Variants in SV2C observed in about 807,000 individuals in gnomAD.
The protein encoded by SV2C is solute carrier family 22 member B3.
SV2C carries 49 observed loss-of-function variants against 79.7 expected under a neutral mutation model. The ratio of observed to expected loss-of-function variants is 0.61; its 90% CI spans 0.49 to 0.78. The LOEUF (loss-of-function observed/expected upper bound fraction) is 0.78, where lower values mean the gene tolerates loss of function less well. SV2C is among the 30% of genes least tolerant of loss of function. SV2C has a pLI of 0.00. For missense variants in SV2C, 833 were observed against 912.9 expected, an observed-to-expected ratio of 0.91 and a Z score of 1.13; for synonymous variants, 334 against 333.2, an observed-to-expected ratio of 1.00 and a Z score of -0.03.
chr5:76,062,386 T>C, the SV2C span, among the ~76,000 whole-genome samples: 6 of 152,048 alleles, frequency 3.9e-5, no homozygotes, highest in South Asian at 2.1e-4. Context: ...ACAGACAATG[T>C]TCCTCCCTCC....
chr5:75,947,805 C>T, the SV2C span, among the ~76,000 whole-genome samples: 19 of 152,074 alleles, frequency 1.2e-4, no homozygotes, highest in East Asian at 9.7e-4. Context: ...TAATCACCCT[C>T]GGCATTATTG....
the SV2C span, among the ~76,000 whole-genome samples, chr5:75,853,031 C>T: frequency 3.9e-5 from 6 of 152,044 alleles, no homozygotes; most frequent in Middle Eastern, 3.4e-3. Context: ...AGCATAAATA[C>T]ATAATAAATA....
At chr5:76,055,424 G>A in the SV2C span, among the ~76,000 whole-genome samples, 1 of 152,132 alleles carries the variant, frequency 6.6e-6, no homozygotes, top group African/African-American at 2.4e-5. Flanking sequence ...TTTAGTGTCA[G>A]GTAGCATGAT....
intron 10 of SV2C, among the ~76,000 whole-genome samples, chr5:76,299,523 G>T (rs970545463): frequency 6.6e-6 from 1 of 152,198 alleles, no homozygotes; most frequent in Non-Finnish European, 1.5e-5. Context: ...ACAGATGTTT[G>T]AACCCAGATT....
chr5:76,108,203 T>G (rs1747986428), intron 1 of SV2C, among the ~76,000 whole-genome samples: 1 of 152,186 alleles, frequency 6.6e-6, no homozygotes, highest in Non-Finnish European at 1.5e-5. Context: ...ACTTAAGGAT[T>G]TTTTTGGAGT....
chr5:75,961,151 A>G, the SV2C span, among the ~76,000 whole-genome samples: 1 of 152,068 alleles, frequency 6.6e-6, no homozygotes, highest in Non-Finnish European at 1.5e-5. Context: ...CATAAAAACA[A>G]AATGATAAAT....
chr5:76,243,931 T>C (rs1745871125), intron 4 of SV2C, among the ~76,000 whole-genome samples: 1 of 152,214 alleles, frequency 6.6e-6, no homozygotes, highest in African/African-American at 2.4e-5. Context: ...TTTGCACATG[T>C]AGTCCCCTCT....
At chr5:76,237,969 AACAC>A (rs200837649) in intron 4 of SV2C, among the ~76,000 whole-genome samples, 20 of 137,012 alleles carry the variant, frequency 1.5e-4, no homozygotes, top group Middle Eastern at 3.6e-3. Context: ...CCAGAGGACT[AACAC>A]ACACACACAC....
At chr5:76,334,283 G>C (rs571941238), downstream of SV2C, among the ~76,000 whole-genome samples, 10 of 152,270 alleles carry the variant, frequency 6.6e-5, no homozygotes, top group South Asian at 1.9e-3. Flanking sequence ...TAGCTGCTTG[G>C]AACAGTGGTT....
chr5:76,289,856 A>G (rs1289572758), intron 6 of SV2C, among the ~76,000 whole-genome samples: 1 of 152,194 alleles, frequency 6.6e-6, no homozygotes, highest in Non-Finnish European at 1.5e-5. Context: ...TCTCACTTCC[A>G]GGTTAAGTAG....
chr5:76,243,940 CTGTTTGAAAT>C (rs1745871507), intron 4 of SV2C, among the ~76,000 whole-genome samples: 3 of 152,214 alleles, frequency 2.0e-5, no homozygotes, highest in Admixed American at 2.0e-4. Flanking sequence ...GTAGTCCCCT[CTGTTTGAAAT>C]GTTCTCTCAA....
chr5:76,288,134 G>A (rs1031154136), intron 6 of SV2C, among the ~76,000 whole-genome samples: 1 of 151,728 alleles, frequency 6.6e-6, no homozygotes, highest in African/African-American at 2.4e-5. Flanking sequence ...ACAGTAGGTT[G>A]GAGGGACATA....
rs1748843478 is a variant in SV2C at position 76,130,279 on chromosome 5, A to G, written c.-101-1371A>G. On this transcript the variant is annotated intron_variant, in intron 1 of 12. Coordinates refer to ENST00000502798, the MANE Select transcript of SV2C (RefSeq NM_014979.4). Reference sequence around the variant, plus strand: ...TTTAATTTCATTTTATCATTTTCCAAAACGCAGCCTGTGAGAACCATACTC... The same window carrying G: ...TTTAATTTCATTTTATCATTTTCCAGAACGCAGCCTGTGAGAACCATACTC... 3.3e-5 allele frequency among the ~76,000 whole-genome samples: 5 copies of G among 152,182 alleles called. No individual in the cohort carries two copies. The South Asian group carries it at 1.0e-3, about 32-fold the overall frequency.
chr5:76,298,229 G>A (rs1013969251), intron 9 of SV2C, among the ~76,000 whole-genome samples: 4 of 152,096 alleles, frequency 2.6e-5, no homozygotes, highest in Non-Finnish European at 4.4e-5. Context: ...TCACCTATGA[G>A]TTTCTTCAAC....
At chr5:76,170,125 G>C (rs1484732245) in intron 2 of SV2C, among the ~76,000 whole-genome samples, 4 of 150,086 alleles carry the variant, frequency 2.7e-5, no homozygotes, top group Non-Finnish European at 4.4e-5. Context: ...AAGGCTTTTA[G>C]TTTACATTTG....
chr5:76,253,857 G>C (rs938545855), intron 4 of SV2C, among the ~76,000 whole-genome samples: 1 of 152,010 alleles, frequency 6.6e-6, no homozygotes. Flanking sequence ...TTATCTCCAT[G>C]TATTATGAGA....
the SV2C span, among the ~76,000 whole-genome samples, chr5:76,020,357 G>C: frequency 2.0e-5 from 3 of 152,172 alleles, no homozygotes; most frequent in African/African-American, 7.2e-5. Flanking sequence ...AATGGCCATT[G>C]TATGTTTTCC....
chr5:76,184,167 G>C (rs1015327303), intron 2 of SV2C, among the ~76,000 whole-genome samples: 5 of 152,190 alleles, frequency 3.3e-5, no homozygotes, highest in Admixed American at 6.5e-5. Flanking sequence ...GAACCTCTGG[G>C]TGTGGCCTGG....
At chr5:76,169,060 TCTA>T (rs1743134768) in intron 2 of SV2C, among the ~76,000 whole-genome samples, 1 of 152,222 alleles carries the variant, frequency 6.6e-6, no homozygotes, top group African/African-American at 2.4e-5. Context: ...GTCAGGCAGT[TCTA>T]CTACTCTGGG....
Sources: allele counts gnomAD v4.1 joint callset (sites outside exome capture counted in the v4.1 genomes callset), GRCh38; gene constraint gnomAD v4.1.1; transcripts MANE v1.5; gene names NCBI Gene and HGNC (gene_info 2026-07-23, HGNC 2026-07-21).